The following KCNN2 variants were observed in gnomAD, a reference collection of about 807,000 sequenced individuals.
The protein encoded by KCNN2 is potassium calcium-activated channel subfamily N member 2, also known as small conductance calcium-activated potassium channel protein 2.
In KCNN2, 24 loss-of-function variants were observed where a neutral mutation model predicts 55.5. The ratio of observed to expected loss-of-function variants is 0.43; its 90% CI spans 0.31 to 0.61. The LOEUF is 0.61. KCNN2 is among the 20% of genes least tolerant of loss of function. The pLI, the probability that KCNN2 is intolerant of heterozygous loss-of-function variation, is 0.08. For missense variants in KCNN2, 754 were observed against 853.6 expected (o/e 0.88, Z 1.45); for synonymous variants, 431 against 336.1 (o/e 1.28, Z -3.09).
chr5:114,469,957 G>A (rs564196337), intron 4 of KCNN2, among the ~76,000 whole-genome samples: 2 of 152,190 alleles, frequency 1.3e-5, no homozygotes, highest in African/African-American at 4.8e-5. Context: ...TGGCTCTGGA[G>A]GTATAACTTA....
intron 1 of KCNN2, among the ~76,000 whole-genome samples, chr5:114,176,222 A>G (rs1476733441): frequency 2.0e-5 from 3 of 152,154 alleles, no homozygotes; most frequent in Non-Finnish European, 4.4e-5. Flanking sequence ...AAGTGTGGCA[A>G]CCAAAAATGT....
At chr5:114,157,625 G>A (rs1391951459) in intron 1 of KCNN2, among the ~76,000 whole-genome samples, 3 of 152,190 alleles carry the variant, frequency 2.0e-5, no homozygotes, top group Non-Finnish European at 4.4e-5. Context: ...CCTACTAACA[G>A]TATAAAAGCG....
At chr5:114,460,470 C>A (rs1057430880) in intron 3 of KCNN2, among the ~76,000 whole-genome samples, 2 of 152,148 alleles carry the variant, frequency 1.3e-5, no homozygotes, top group South Asian at 4.1e-4. Context: ...TCCCGAACTC[C>A]TGACCTCAGG....
chr5:114,419,016 T>G (rs1028747627), intron 3 of KCNN2, among the ~76,000 whole-genome samples: 20 of 152,244 alleles, frequency 1.3e-4, no homozygotes, highest in African/African-American at 4.6e-4. Context: ...ACGTAATAAT[T>G]TTTTTCGTAG....
At chr5:114,297,730 T>C (rs1369671298) in intron 2 of KCNN2, among the ~76,000 whole-genome samples, 48 of 152,192 alleles carry the variant, frequency 3.2e-4, no homozygotes, top group Non-Finnish European at 1.5e-5. Context: ...GGTCTGGTTA[T>C]ATAAAGGATA....
chr5:114,309,380 A>G (rs1339671166), intron 2 of KCNN2, among the ~76,000 whole-genome samples: 2 of 152,176 alleles, frequency 1.3e-5, no homozygotes, highest in Non-Finnish European at 2.9e-5. Context: ...CAGGTTTTTT[A>G]GACTGGATTT....
At chr5:114,265,977 A>ATAGAG (rs1755202107) in intron 2 of KCNN2, among the ~76,000 whole-genome samples, 2 of 152,132 alleles carry the variant, frequency 1.3e-5, no homozygotes, top group Non-Finnish European at 2.9e-5. Flanking sequence ...TCCATTAGAG[A>ATAGAG]TAGAGGGCAG....
intron 2 of KCNN2, chr5:114,253,631 C>T (rs909639163): frequency 6.5e-6 from 1 of 153,204 alleles, no homozygotes; most frequent in Non-Finnish European, 1.5e-5. Context: ...TCTCCTGAAG[C>T]TGTGTGCTTG....
At chr5:114,170,791 T>C (rs1474518703) in intron 1 of KCNN2, among the ~76,000 whole-genome samples, 2 of 152,032 alleles carry the variant, frequency 1.3e-5, no homozygotes, top group East Asian at 1.9e-4. Context: ...TTTATATATC[T>C]TTCAGTGCCC....
chr5:114,236,750 T>C (rs1057312706), intron 2 of KCNN2, among the ~76,000 whole-genome samples: 2 of 152,168 alleles, frequency 1.3e-5, no homozygotes, highest in African/African-American at 2.4e-5. Flanking sequence ...AAATGTGAAA[T>C]ATTTTTTCAT....
intron 3 of KCNN2, among the ~76,000 whole-genome samples, chr5:114,445,918 A>G (rs1760386924): frequency 6.6e-6 from 1 of 152,186 alleles, no homozygotes; most frequent in African/African-American, 2.4e-5. Context: ...GCTGTTTCCC[A>G]CAGTATGGGC....
At chr5:114,245,376 T>C (rs4298247) in intron 2 of KCNN2, among the ~76,000 whole-genome samples, 152,313 of 152,342 alleles carry the variant, frequency 1, 76,142 homozygotes, top group Middle Eastern at 1. Context: ...CTTGCATTTG[T>C]GTAGCATTTT....
chr5:114,103,386 C>T (rs867320268), intron 1 of KCNN2, among the ~76,000 whole-genome samples: 4 of 152,142 alleles, frequency 2.6e-5, no homozygotes, highest in African/African-American at 7.2e-5. Context: ...GATAATTTGA[C>T]TTCTTGTCTT....
Position 114,364,616 on chromosome 5 carries a change from CT to C in KCNN2, c.1218+629del, listed in dbSNP as rs398065116. Among the ~76,000 whole-genome samples the C allele has an allele frequency of 3.4e-3, 470 of 138,352 alleles. 1 individual carries two copies. Among genetic ancestry groups the C allele is most frequent in the Middle Eastern group, 7.6e-3 (2 of 264 alleles). 90.8% of individuals were successfully genotyped at this position (138,352 alleles called of 152,430 possible). On this transcript the variant is annotated intron_variant, in intron 2 of 7. Coordinates refer to ENST00000673685, the MANE Select transcript of KCNN2 (RefSeq NM_021614.4). ...GTTAAGGCCACTGTCCTTGTGAGTT[CT>C]TTTTTTTTTTTTTGAAAATATTTCT... is the stretch of plus-strand genomic sequence containing the variant.
chr5:114,199,143 C>T (rs1753618335), intron 1 of KCNN2, among the ~76,000 whole-genome samples: 1 of 152,082 alleles, frequency 6.6e-6, no homozygotes, highest in East Asian at 1.9e-4. Context: ...TTGTTATATT[C>T]ACTTGCTGAA....
At chr5:114,104,298 T>G (rs896833088) in intron 1 of KCNN2, among the ~76,000 whole-genome samples, 1 of 152,146 alleles carries the variant, frequency 6.6e-6, no homozygotes, top group Non-Finnish European at 1.5e-5. Context: ...TTATTGTGTC[T>G]ATTTGATTTT....
intron 1 of KCNN2, among the ~76,000 whole-genome samples, chr5:114,183,830 C>T (rs894641096): frequency 7.3e-5 from 11 of 150,478 alleles, no homozygotes; most frequent in African/African-American, 2.4e-4. Context: ...TTTCTGTTTG[C>T]TTGTTTTCTG....
intron 1 of KCNN2, among the ~76,000 whole-genome samples, chr5:114,067,151 T>G (rs1750468822): frequency 6.6e-6 from 1 of 152,166 alleles, no homozygotes; most frequent in South Asian, 2.1e-4. Context: ...TGGTCCACAG[T>G]AGGATCTGCC....
intron 1 of KCNN2, among the ~76,000 whole-genome samples, chr5:114,076,670 T>C (rs1411489781): frequency 6.6e-6 from 1 of 152,126 alleles, no homozygotes; most frequent in Non-Finnish European, 1.5e-5. Context: ...AGAAGGTAGG[T>C]TTTCAAAGAA....
Sources: allele counts gnomAD v4.1 joint callset (sites outside exome capture counted in the v4.1 genomes callset), GRCh38; gene constraint gnomAD v4.1.1; transcripts MANE v1.5; gene names NCBI Gene and HGNC (gene_info 2026-07-23, HGNC 2026-07-21).